The following PDE4C variants were observed in gnomAD, a reference collection of about 807,000 sequenced individuals.
PDE4C encodes the protein phosphodiesterase 4C.
Under a neutral mutation model 63.9 loss-of-function variants are expected in PDE4C, and 50 were observed. The observed-to-expected ratio is 0.78, with a 90% CI of 0.62 to 0.99. The LOEUF (loss-of-function observed/expected upper bound fraction) is 0.99. PDE4C is among the 50% of genes least tolerant of loss of function. The pLI is 0.00. For missense variants in PDE4C, 777 were observed against 899.1 expected, an observed-to-expected ratio of 0.86 and a Z score of 1.74; for synonymous variants, 377 against 385.1, an observed-to-expected ratio of 0.98 and a Z score of 0.25.
chr19:18,234,467 A>AG (rs558243653), upstream of PDE4C, among the ~76,000 whole-genome samples: 77 of 152,222 alleles, frequency 5.1e-4, no homozygotes, highest in Middle Eastern at 3.4e-3. Flanking sequence ...GGGAAGTGCA[A>AG]GGATGGGTAA....
chr19:18,254,293 G>C, the PDE4C span, among the ~76,000 whole-genome samples: 1,224 of 152,328 alleles, frequency 8.0e-3, 8 homozygotes, highest in Admixed American at 0.013. Flanking sequence ...CAGAATTCTG[G>C]GGAGCTGAGT....
At chr19:18,222,659 CT>C (rs1968540409) in intron 1 of PDE4C, among the ~76,000 whole-genome samples, 1 of 18,658 alleles carries the variant, frequency 5.4e-5, no homozygotes. Context: ...CTCGTTCTTT[CT>C]CTCTCTCTCT....
At chr19:18,213,135 T>A (rs1199690708) in intron 13 of PDE4C, among the ~76,000 whole-genome samples, 14 of 150,578 alleles carry the variant, frequency 9.3e-5, no homozygotes, top group Admixed American at 9.2e-4. Context: ...ACAAAAAAAA[T>A]TAGCTGGGCG....
intron 1 of PDE4C, among the ~76,000 whole-genome samples, chr19:18,223,155 G>A (rs1482257939): frequency 6.6e-6 from 1 of 151,276 alleles, no homozygotes; most frequent in Non-Finnish European, 1.5e-5. Flanking sequence ...CAATTTTCTC[G>A]CCTCAGCCTC....
chr19:18,248,668 G>A (rs1969180231), upstream of PDE4C, among the ~76,000 whole-genome samples: 1 of 152,046 alleles, frequency 6.6e-6, no homozygotes, highest in Non-Finnish European at 1.5e-5. Flanking sequence ...GTGGCCTAAG[G>A]AGCTTGGGGG....
chr19:18,213,264 A>AAG, intron 13 of PDE4C, 104 bp downstream of exon 13: 2 of 1,063,082 alleles, frequency 1.9e-6, no homozygotes, highest in South Asian at 1.9e-5. Context: ...AGCCTGGGCG[A>AAG]CAGAGTGAGA....
At chr19:18,221,078 C>T (rs570597676) in intron 4 of PDE4C, 27 bp downstream of exon 4, 2 of 1,423,146 alleles carry the variant, frequency 1.4e-6, no homozygotes, top group Non-Finnish European at 1.9e-6. Context: ...CCGGCCCCGC[C>T]CCCGCCCCGC....
intron 1 of PDE4C, among the ~76,000 whole-genome samples, chr19:18,225,979 C>G (rs1156967966): frequency 6.6e-6 from 1 of 152,238 alleles, no homozygotes; most frequent in South Asian, 2.1e-4. Context: ...CCGTCCCACT[C>G]TGGGCCTCAC....
chr19:18,252,530 C>A (rs1366046510), upstream of PDE4C: 1 of 398,640 alleles, frequency 2.5e-6, no homozygotes, highest in Non-Finnish European at 4.4e-6. Context: ...TTTGAGAGGT[C>A]AAGGTGAGAG....
In PDE4C at chr19:18,246,045, C is replaced by G. The variant is rs1969123762; in HGVS notation, c.-210+2126G>C. Reference sequence around the variant, plus strand: ...TTTTTTTTTGAGACAGAGTCTTACTCTGTCATCCAGGCTGGAGTGCAGTGC... The same window carrying G: ...TTTTTTTTTGAGACAGAGTCTTACTGTGTCATCCAGGCTGGAGTGCAGTGC... On this transcript the variant is annotated intron_variant, in intron 1 of 15. Coordinates refer to the PDE4C transcript ENST00000594617. 1.4e-5 allele frequency among the ~76,000 whole-genome samples: 2 copies of G among 141,188 alleles called. 1 individual carries two copies. Among genetic ancestry groups the G allele is most frequent in the South Asian group, 4.7e-4 (2 of 4,262 alleles). 92.6% of individuals were successfully genotyped at this position (141,188 alleles called of 152,430 possible). A position where few individuals can be genotyped will look rare whatever the true frequency, so the allele number is the denominator to read the frequency against.
chr19:18,234,963 G>A (rs1056512342), upstream of PDE4C, among the ~76,000 whole-genome samples: 1 of 152,132 alleles, frequency 6.6e-6, no homozygotes, highest in Non-Finnish European at 1.5e-5. Context: ...TGAGGGACAT[G>A]GTCACTGGCT....
upstream of PDE4C, among the ~76,000 whole-genome samples, chr19:18,251,513 C>A (rs1485412852): frequency 1.3e-5 from 2 of 152,062 alleles, no homozygotes; most frequent in African/African-American, 4.8e-5. Flanking sequence ...CAGCTCACTG[C>A]AACCTCTGCC....
At chr19:18,239,961 G>A (rs1969010494) in intron 1 of PDE4C, among the ~76,000 whole-genome samples, 1 of 151,850 alleles carries the variant, frequency 6.6e-6, no homozygotes. Flanking sequence ...AGGGGGTAGA[G>A]GTTGCAGTGG....
At chr19:18,233,613 G>T (rs368267666) in exon 1 of PDE4C, 79 of 450,884 alleles carry the variant, frequency 1.8e-4, no homozygotes, top group East Asian at 1.3e-3. Flanking sequence ...GGTCTCAGGA[G>T]ACCCCCGGGG....
upstream of PDE4C, among the ~76,000 whole-genome samples, chr19:18,228,053 A>T (rs1323577258): frequency 6.6e-6 from 1 of 152,086 alleles, no homozygotes; most frequent in Non-Finnish European, 1.5e-5. Context: ...CGCTGTCCCC[A>T]AGACAAAAAT....
chr19:18,248,093 C>T (rs1969162196), intron 1 of PDE4C: 1 of 448,448 alleles, frequency 2.2e-6, no homozygotes, highest in African/African-American at 2.0e-5. Flanking sequence ...GATTACGAGA[C>T]CCCAGCACCT....
intron 1 of PDE4C, among the ~76,000 whole-genome samples, chr19:18,240,757 C>A (rs73520968): frequency 6.6e-6 from 1 of 152,150 alleles, no homozygotes. Flanking sequence ...AGGTCCAAGA[C>A]CATGCTGCTA....
At chr19:18,239,750 GCGCGGTGGCTCA>G (rs1969007913) in intron 1 of PDE4C, among the ~76,000 whole-genome samples, 1 of 152,100 alleles carries the variant, frequency 6.6e-6, no homozygotes, top group African/African-American at 2.4e-5. Flanking sequence ...AACTGGCCAG[GCGCGGTGGCTCA>G]CGCCTGTAAT....
chr19:18,223,709 G>A (rs538443807), intron 1 of PDE4C, among the ~76,000 whole-genome samples: 2 of 152,298 alleles, frequency 1.3e-5, no homozygotes, highest in African/African-American at 4.8e-5. Context: ...GGTTACAACC[G>A]AACATCCAAA....
Sources: gnomAD v4.1 joint callset for allele counts (sites outside exome capture counted in the v4.1 genomes callset) on GRCh38, gnomAD v4.1.1 for gene constraint, MANE v1.5 for transcripts, NCBI Gene and HGNC (gene_info 2026-07-23, HGNC 2026-07-21) for gene names.